Variants in LNX2 observed in about 807,000 individuals in gnomAD.
LNX2 encodes the protein ligand of Numb protein X 2.
LNX2 carries 35 observed loss-of-function variants against 66.2 expected under a neutral mutation model. That is an observed-to-expected ratio of 0.53 (90% CI 0.40 to 0.70). The LOEUF is 0.70. Ranked by LOEUF, LNX2 falls within the 30% of genes least tolerant of loss-of-function variation. The pLI is 0.00. For synonymous variants in LNX2, 337 were observed against 315.6 expected (o/e 1.07, Z -0.72); for missense variants, 791 against 850.8 (o/e 0.93, Z 0.87).
At chr13:27,561,875 C>T (rs140144204) in intron 5 of LNX2, among the ~76,000 whole-genome samples, 330 of 152,316 alleles carry the variant, frequency 2.2e-3, no homozygotes, top group African/African-American at 7.6e-3. Context: ...CATGTTCTTT[C>T]TCTAATAATG....
intron 1 of LNX2, among the ~76,000 whole-genome samples, chr13:27,582,027 T>A (rs898397189): frequency 1.2e-4 from 19 of 152,154 alleles, no homozygotes; most frequent in African/African-American, 4.3e-4. Context: ...CTCTTTTGAT[T>A]TTTTTATTTA....
intron 1 of LNX2, among the ~76,000 whole-genome samples, chr13:27,585,041 C>A (rs1240016615): frequency 6.6e-6 from 1 of 151,054 alleles, no homozygotes; most frequent in African/African-American, 2.4e-5. Context: ...TCACTTGAGC[C>A]TAGGAGGCGG....
rs536329856 is a variant in LNX2, at chr13:27,576,465, C to T, written c.407+4832G>A. On this transcript the variant is annotated intron_variant, in intron 2 of 9. Coordinates refer to ENST00000316334, the MANE Select transcript of LNX2 (RefSeq NM_153371.4). ...GGCATGGTGGCTCACGCCTGTAATC[C>T]TAGCTCTTCGGGAGACCTAGGTGGA... Among the ~76,000 whole-genome samples, 28 of 152,060 alleles carry T rather than the reference C, an allele frequency of 1.8e-4. 2 individuals carry two copies. In the South Asian group the frequency reaches 5.2e-3, roughly 28 times the overall value.
At chr13:27,583,793 C>A (rs774550626) in intron 1 of LNX2, among the ~76,000 whole-genome samples, 4 of 151,908 alleles carry the variant, frequency 2.6e-5, no homozygotes, top group Admixed American at 6.6e-5. Context: ...CAGTTAAAGC[C>A]CATTATTAAA....
At chr13:27,600,553 C>G (rs768689836) in intron 1 of LNX2, among the ~76,000 whole-genome samples, 1 of 152,116 alleles carries the variant, frequency 6.6e-6, no homozygotes, top group Non-Finnish European at 1.5e-5. Context: ...GGGTGAGCAA[C>G]TGTGTGTAGA....
intron 6 of LNX2, among the ~76,000 whole-genome samples, chr13:27,557,251 A>T (rs1955073476): frequency 6.6e-6 from 1 of 152,104 alleles, no homozygotes. Flanking sequence ...AAAAGTCCTG[A>T]AATTATATAT....
intron 1 of LNX2, among the ~76,000 whole-genome samples, chr13:27,593,934 T>A (rs1955571331): frequency 6.6e-6 from 1 of 151,930 alleles, no homozygotes; most frequent in Admixed American, 6.6e-5. Context: ...CTTGTTCTCA[T>A]CCTATCACTC....
At chr13:27,567,947 A>G (rs1955226995) in intron 3 of LNX2, 108 bp from the exon 4 acceptor site, 1 of 841,808 alleles carries the variant, frequency 1.2e-6, no homozygotes, top group South Asian at 1.5e-5. Context: ...TTAATACATG[A>G]TTAACAGCTA....
At position 27,583,261 on chromosome 13, in the gene LNX2, C is replaced by CGCGTGT. The variant is rs11281345; in HGVS notation, c.-100-1459_-100-1458insACACGC. Among the ~76,000 whole-genome samples, 2 of 45,480 alleles carry CGCGTGT rather than the reference C, an allele frequency of 4.4e-5. 1 individual carries two copies. Among genetic ancestry groups the CGCGTGT allele is most frequent in the Non-Finnish European group, 9.1e-5 (2 of 22,058 alleles). The allele number at this position is 45,480 out of a possible 152,430, so 29.8% of individuals were successfully genotyped here. A position where few individuals can be genotyped will look rare whatever the true frequency, so the allele number is the denominator to read the frequency against. On this transcript the variant is annotated intron_variant, in intron 1 of 9. Transcript: ENST00000316334. The stretch of plus-strand genomic sequence containing the variant: ...GTGTGTGTGTGTGTGTGTGTGCGCG[C>CGCGTGT]GTCCTCTCCAACATACTTATTTTTA...
At chr13:27,586,348 T>A (rs1017323119) in intron 1 of LNX2, among the ~76,000 whole-genome samples, 5 of 152,182 alleles carry the variant, frequency 3.3e-5, no homozygotes, top group Non-Finnish European at 7.3e-5. Context: ...CTTTAGAGTA[T>A]GAGTTTTGGA....
chr13:27,566,523 AT>A (rs1368984952), intron 4 of LNX2, among the ~76,000 whole-genome samples: 1 of 152,204 alleles, frequency 6.6e-6, no homozygotes, highest in Non-Finnish European at 1.5e-5. Context: ...TATTAGATTA[AT>A]CAGTCTGGAC....
At chr13:27,583,124 C>G (rs995115034) in intron 1 of LNX2, among the ~76,000 whole-genome samples, 1 of 150,376 alleles carries the variant, frequency 6.6e-6, no homozygotes, top group Non-Finnish European at 1.5e-5. Flanking sequence ...AATTTCACCT[C>G]ATAGTATTCC....
chr13:27,549,876 CAG>C (rs1954985345), intron 9 of LNX2, among the ~76,000 whole-genome samples: 1 of 152,140 alleles, frequency 6.6e-6, no homozygotes, highest in African/African-American at 2.4e-5. Flanking sequence ...AAAAATGAAG[CAG>C]AGTCATCTAA....
chr13:27,557,795 GA>G (rs1955081556), intron 6 of LNX2, among the ~76,000 whole-genome samples: 1 of 152,006 alleles, frequency 6.6e-6, no homozygotes, highest in Non-Finnish European at 1.5e-5. Context: ...AAAATGTTAT[GA>G]CCAAGGAGAA....
At chr13:27,603,575 T>C (rs918248015) in intron 1 of LNX2, among the ~76,000 whole-genome samples, 9 of 152,180 alleles carry the variant, frequency 5.9e-5, no homozygotes, top group Non-Finnish European at 1.3e-4. Flanking sequence ...AGACATCTAC[T>C]GATGACAAAG....
At chr13:27,552,099 C>T (rs1040518676) in intron 8 of LNX2, among the ~76,000 whole-genome samples, 1 of 152,236 alleles carries the variant, frequency 6.6e-6, no homozygotes, top group Non-Finnish European at 1.5e-5. Context: ...GTGTATTTCT[C>T]ATCTAAAATC....
At chr13:27,611,992 A>G (rs1955778538) in intron 1 of LNX2, among the ~76,000 whole-genome samples, 1 of 152,224 alleles carries the variant, frequency 6.6e-6, no homozygotes, top group Admixed American at 6.5e-5. Flanking sequence ...TTAATTGATA[A>G]AGCCGCTCCT....
chr13:27,611,523 C>T (rs777419694), intron 1 of LNX2, among the ~76,000 whole-genome samples: 12 of 152,108 alleles, frequency 7.9e-5, no homozygotes, highest in Non-Finnish European at 1.6e-4. Context: ...ATCTGTTGCA[C>T]TGTAATGTGA....
chr13:27,616,917 A>C (rs898233664), intron 1 of LNX2, among the ~76,000 whole-genome samples: 1 of 151,984 alleles, frequency 6.6e-6, no homozygotes, highest in Non-Finnish European at 1.5e-5. Context: ...CGCCCAGCTA[A>C]TTTTCGTATT....
Sources: allele counts gnomAD v4.1 joint callset (sites outside exome capture counted in the v4.1 genomes callset), GRCh38; gene constraint gnomAD v4.1.1; transcripts MANE v1.5; gene names NCBI Gene and HGNC (gene_info 2026-07-23, HGNC 2026-07-21).